The following LRRC52 variants were observed in gnomAD, a reference collection of about 807,000 sequenced individuals.
LRRC52 encodes the protein leucine rich repeat containing 52.
LRRC52 carries 15 observed loss-of-function variants against 14.7 expected under a neutral mutation model. The observed-to-expected ratio is 1.02, with a 90% CI of 0.68 to 1.58. The LOEUF (loss-of-function observed/expected upper bound fraction) is 1.58, where lower values mean the gene tolerates loss of function less well. Ranked by LOEUF, LRRC52 falls within the 40% of genes most tolerant of loss-of-function variation. The pLI, the probability that LRRC52 is intolerant of heterozygous loss-of-function variation, is 0.00. For synonymous variants in LRRC52, 180 were observed against 163.9 expected, an observed-to-expected ratio of 1.10 and a Z score of -0.75; for missense variants, 400 against 387.7, an observed-to-expected ratio of 1.03 and a Z score of -0.27.
At position 165,563,774 on chromosome 1, in the gene LRRC52, A is replaced by AT. The variant is rs769930621; in HGVS notation, c.897dup (p.Gln300SerfsTer45). ...GACTAGGGTGGAAGTCAGCCGGCGGATTTTTCAAACCCAGACGAGCTCGGT... is the reference window on the plus strand; with the variant it reads ...GACTAGGGTGGAAGTCAGCCGGCGGATTTTTTCAAACCCAGACGAGCTCGGT... On this transcript the variant is annotated frameshift_variant, in exon 2 of 2. Coordinates refer to ENST00000294818, the MANE Select transcript of LRRC52 (RefSeq NM_001005214.4). LOFTEE classifies it low-confidence loss of function (END_TRUNC). 2 of 1,614,100 alleles carry AT rather than the reference A, an allele frequency of 1.2e-6. No homozygotes were observed. The highest frequency in any genetic ancestry group is 4.5e-5 in the East Asian group (2 of 44,878).
intron 1 of LRRC52, among the ~76,000 whole-genome samples, chr1:165,554,472 G>C (rs1661195710): frequency 1.3e-5 from 2 of 149,448 alleles, no homozygotes; most frequent in Non-Finnish European, 3.0e-5. Context: ...GCAGACTCTT[G>C]CTGCTCTGTT....
chr1:165,558,756 T>C (rs1661287436), intron 1 of LRRC52, among the ~76,000 whole-genome samples: 1 of 151,652 alleles, frequency 6.6e-6, no homozygotes. Context: ...TAAATCCAAA[T>C]ATATCAGTAA....
chr1:165,554,426 G>GTTTGTT (rs1553233021), intron 1 of LRRC52, among the ~76,000 whole-genome samples: 4 of 150,476 alleles, frequency 2.7e-5, no homozygotes, highest in Admixed American at 2.0e-4. Context: ...AATGATAGGT[G>GTTTGTT]GTTGTTGTTG....
At position 165,544,208 on chromosome 1, in the gene LRRC52, T is replaced by TACCCCCCC; in HGVS notation, c.-89_-88insACCCCCCC. On this transcript the variant is annotated 5_prime_UTR_variant, in exon 1 of 2. Transcript: ENST00000294818. ...GTGTTACAGTTCTTTCCAGAGCCCCTCCCCCGCCCCACCCCCCCACCGGCA... is the reference window on the plus strand; with the variant it reads ...GTGTTACAGTTCTTTCCAGAGCCCCTACCCCCCCCCCCCGCCCCACCCCCCCACCGGCA... The TACCCCCCC allele has an allele frequency of 6.7e-6, 3 of 448,100 alleles. No homozygotes were observed. The highest frequency in any genetic ancestry group is 4.2e-6 in the Non-Finnish European group (1 of 235,722). The allele number at this position is 448,100 out of a possible 1,614,324, so 27.8% of individuals were successfully genotyped here. A position where few individuals can be genotyped will look rare whatever the true frequency, so the allele number is the denominator to read the frequency against.
intron 1 of LRRC52, among the ~76,000 whole-genome samples, chr1:165,558,631 T>C (rs1336240577): frequency 6.6e-6 from 1 of 151,906 alleles, no homozygotes; most frequent in African/African-American, 2.4e-5. Flanking sequence ...TAAAAGAAGG[T>C]ATGGTTAACG....
intron 1 of LRRC52, among the ~76,000 whole-genome samples, chr1:165,553,761 T>C (rs1661181652): frequency 6.6e-6 from 1 of 152,010 alleles, no homozygotes; most frequent in Non-Finnish European, 1.5e-5. Flanking sequence ...AGGGTAAACA[T>C]AGATGGGGGT....
intron 1 of LRRC52, among the ~76,000 whole-genome samples, chr1:165,548,221 A>G (rs1220461223): frequency 6.6e-6 from 1 of 152,230 alleles, no homozygotes; most frequent in Non-Finnish European, 1.5e-5. Flanking sequence ...TTTTCACTGT[A>G]GTGTAATATT....
intron 1 of LRRC52, among the ~76,000 whole-genome samples, chr1:165,546,037 G>A (rs1484480772): frequency 1.3e-5 from 2 of 152,014 alleles, no homozygotes; most frequent in African/African-American, 2.4e-5. Context: ...AATAATCCTG[G>A]CCAGAATGAC....
At chr1:165,549,015 G>A (rs961062930) in intron 1 of LRRC52, among the ~76,000 whole-genome samples, 12 of 152,244 alleles carry the variant, frequency 7.9e-5, no homozygotes, top group South Asian at 2.1e-4. Flanking sequence ...TGGGAAGGTG[G>A]GTAGCTGCTT....
Position 165,563,522 on chromosome 1 carries a change from T to A in LRRC52, c.640T>A (p.Cys214Ser), listed in dbSNP as rs1362287286. Reference sequence around the variant, plus strand: ...CTTCTTAGATGATCTAAATGCCACATGTGTGGAGCCCACAGAGCTGACAGG... The same window carrying A: ...CTTCTTAGATGATCTAAATGCCACAAGTGTGGAGCCCACAGAGCTGACAGG... ...MDPSDDLNAT[C>S]VEPTELTGWP... is the part of the protein sequence containing the mutation. Residue 214 changes from cysteine to serine, a missense_variant, in exon 2 of 2, where the codon TGT (cysteine) becomes AGT (serine). Transcript: ENST00000294818. 33 of 1,613,528 alleles carry A rather than the reference T, an allele frequency of 2.0e-5. No homozygotes were observed. Among genetic ancestry groups the A allele is most frequent in the Non-Finnish European group, 2.7e-5 (32 of 1,179,578 alleles).
At chr1:165,550,965 C>T (rs1368395271) in intron 1 of LRRC52, among the ~76,000 whole-genome samples, 1 of 152,102 alleles carries the variant, frequency 6.6e-6, no homozygotes, top group East Asian at 1.9e-4. Flanking sequence ...TAGCTGGTAG[C>T]CTATGGACCT....
chr1:165,555,992 G>T (rs1321682042), intron 1 of LRRC52, among the ~76,000 whole-genome samples: 1 of 152,228 alleles, frequency 6.6e-6, no homozygotes. Context: ...GGTCCCAGCC[G>T]CCAGCCCCAC....
In LRRC52 at chr1:165,544,203, G is replaced by GCCCCGCCCCCCCCCCCCCCCCC; in HGVS notation, c.-90_-89insGCCCCCCCCCCCCCCCCCCCCC. Reference sequence around the variant, plus strand: ...CTAAAGTGTTACAGTTCTTTCCAGAGCCCCTCCCCCGCCCCACCCCCCCAC... The same window carrying GCCCCGCCCCCCCCCCCCCCCCC: ...CTAAAGTGTTACAGTTCTTTCCAGAGCCCCGCCCCCCCCCCCCCCCCCCCCCTCCCCCGCCCCACCCCCCCAC... On this transcript the variant is annotated 5_prime_UTR_variant, in exon 1 of 2. Transcript: ENST00000294818. 2 of 1,001,758 alleles carry GCCCCGCCCCCCCCCCCCCCCCC rather than the reference G, an allele frequency of 2.0e-6. No homozygotes were observed. Among genetic ancestry groups the GCCCCGCCCCCCCCCCCCCCCCC allele is most frequent in the Non-Finnish European group, 2.8e-6 (2 of 706,268 alleles). The allele number at this position is 1,001,758 out of a possible 1,614,324, so 62.1% of individuals were successfully genotyped here.
intron 1 of LRRC52, among the ~76,000 whole-genome samples, chr1:165,557,496 C>T (rs374034744): frequency 7.9e-5 from 12 of 152,200 alleles, no homozygotes; most frequent in Admixed American, 2.6e-4. Context: ...TCAACAAATA[C>T]GCCCTGTGCT....
At chr1:165,549,217 C>T (rs1391872110) in intron 1 of LRRC52, among the ~76,000 whole-genome samples, 3 of 152,160 alleles carry the variant, frequency 2.0e-5, no homozygotes, top group African/African-American at 7.2e-5. Flanking sequence ...TGGGGCTGGA[C>T]CAGCAGCAGC....
Position 165,544,203 on chromosome 1 carries a change from GCCCCTC to G in LRRC52, c.-89_-84del. 1.1e-5 allele frequency: 11 copies of G among 1,001,750 alleles called. No homozygotes were observed. Among genetic ancestry groups the G allele is most frequent in the African/African-American group, 2.0e-5 (1 of 49,912 alleles). The allele number at this position is 1,001,750 out of a possible 1,614,324, so 62.1% of individuals were successfully genotyped here. A position where few individuals can be genotyped will look rare whatever the true frequency, so the allele number is the denominator to read the frequency against. On this transcript the variant is annotated 5_prime_UTR_variant, in exon 1 of 2. Coordinates refer to ENST00000294818, the MANE Select transcript of LRRC52 (RefSeq NM_001005214.4). ...CTAAAGTGTTACAGTTCTTTCCAGA[GCCCCTC>G]CCCCGCCCCACCCCCCCACCGGCAG...
intron 1 of LRRC52, among the ~76,000 whole-genome samples, chr1:165,547,743 A>T (rs1661051222): frequency 6.6e-6 from 1 of 152,222 alleles, no homozygotes. Flanking sequence ...CTACTTACGT[A>T]CCCATCCACA....
intron 1 of LRRC52, among the ~76,000 whole-genome samples, chr1:165,547,048 T>C (rs891381283): frequency 4.6e-5 from 7 of 152,036 alleles, no homozygotes; most frequent in African/African-American, 1.4e-4. Flanking sequence ...TGGTACCTCA[T>C]TTCCTTTAGC....
In LRRC52 at chr1:165,562,748, C is replaced by T. The variant is rs150898456; in HGVS notation, c.623-757C>T. Among the ~76,000 whole-genome samples, 168 of 152,232 alleles carry T rather than the reference C, an allele frequency of 1.1e-3. 1 individual carries two copies. The highest frequency in any genetic ancestry group is 2.4e-3 in the Admixed American group (36 of 15,290). ...TATGGGGAGGTGCTCAGAGAAGTAG[C>T]CAGGAAGCTGAGTCAGCTACTAAGA... On this transcript the variant is annotated intron_variant, in intron 1 of 1. Coordinates refer to ENST00000294818, the MANE Select transcript of LRRC52 (RefSeq NM_001005214.4).
Sources: gnomAD v4.1 joint callset for allele counts (sites outside exome capture counted in the v4.1 genomes callset) on GRCh38, gnomAD v4.1.1 for gene constraint, MANE v1.5 for transcripts, NCBI Gene and HGNC (gene_info 2026-07-23, HGNC 2026-07-21) for gene names.